Variants in DOC2B observed in about 807,000 individuals in gnomAD.
DOC2B encodes double C2-like domain-containing protein beta.
In DOC2B, 21 loss-of-function variants were observed where a neutral mutation model predicts 28.9. The ratio of observed to expected loss-of-function variants is 0.73; its 90% CI spans 0.52 to 1.05. The LOEUF (loss-of-function observed/expected upper bound fraction) is 1.05. DOC2B is among the 50% of genes least tolerant of loss of function. The pLI is 0.00. For synonymous variants in DOC2B, 194 were observed against 178.1 expected (o/e 1.09, Z -0.71); for missense variants, 384 against 421.1 (o/e 0.91, Z 0.77).
chr17:161,353 C>A (rs1398961122), intron 5 of DOC2B, 62 bp downstream of exon 5: 2 of 1,515,672 alleles, frequency 1.3e-6, no homozygotes, highest in East Asian at 4.9e-5. Flanking sequence ...GCAGGAAGTT[C>A]TGCCTTCCCA....
At chr17:157,576 C>T (rs556342702) in intron 5 of DOC2B, among the ~76,000 whole-genome samples, 2 of 152,334 alleles carry the variant, frequency 1.3e-5, no homozygotes, top group African/African-American at 4.8e-5. Context: ...ATTCTCCTGC[C>T]TCAGCCTTCT....
chr17:147,407 A>G lies in DOC2B; in HGVS notation c.*34T>C. 2 of 398,872 alleles carry G rather than the reference A, an allele frequency of 5.0e-6. No individual in the cohort carries two copies. The highest frequency in any genetic ancestry group is 4.4e-5 in the Admixed American group (1 of 22,732). The allele number at this position is 398,872 out of a possible 1,614,324, so 24.7% of individuals were successfully genotyped here. A position where few individuals can be genotyped will look rare whatever the true frequency, so the allele number is the denominator to read the frequency against. On this transcript the variant is annotated 3_prime_UTR_variant, in exon 9 of 9. Coordinates refer to ENST00000613549, the MANE Select transcript of DOC2B (RefSeq NM_003585.5). ...GCCCGGGGCCGGCCGTGCTGGGCGC[A>G]GGTGGCGGCAGGGGTAGCAGTGGCG...
At chr17:156,457 C>T (rs965063214) in intron 5 of DOC2B, 80 bp from the exon 6 acceptor site, 9 of 1,484,158 alleles carry the variant, frequency 6.1e-6, no homozygotes, top group African/African-American at 1.4e-5. Flanking sequence ...TTCCTGAGCC[C>T]GCCCATCCGG....
intron 7 of DOC2B, among the ~76,000 whole-genome samples, chr17:148,592 C>A (rs1423658455): frequency 6.6e-6 from 1 of 152,132 alleles, no homozygotes; most frequent in East Asian, 1.9e-4. Context: ...GCTGACCCCT[C>A]CCTTCTCTGT....
chr17:172,899 T>C (rs1415706023), intron 1 of DOC2B, among the ~76,000 whole-genome samples: 1 of 152,240 alleles, frequency 6.6e-6, no homozygotes, highest in African/African-American at 2.4e-5. Context: ...GTGGTCCACC[T>C]GAGCTGGGCA....
chr17:148,978 G>A (rs895650530), intron 7 of DOC2B, 133 bp downstream of exon 7: 82 of 396,146 alleles, frequency 2.1e-4, no homozygotes, highest in African/African-American at 1.5e-3. Context: ...TGTGTCTGTG[G>A]CTTGGTGCGG....
chr17:170,010 C>T (rs963105972), intron 2 of DOC2B, among the ~76,000 whole-genome samples: 3 of 152,192 alleles, frequency 2.0e-5, no homozygotes, highest in Admixed American at 1.3e-4. Flanking sequence ...ACAAACGCAC[C>T]TGGAGCTGGG....
rs1338044167 is a variant in DOC2B at position 145,445 on chromosome 17, C to T, written c.*1996G>A. 1.3e-5 allele frequency: 2 copies of T among 152,348 alleles called. No individual in the cohort carries two copies. The highest frequency in any genetic ancestry group is 6.5e-5 in the Admixed American group (1 of 15,290). The allele number at this position is 152,348 out of a possible 1,614,324, so 9.4% of individuals were successfully genotyped here. A position where few individuals can be genotyped will look rare whatever the true frequency, so the allele number is the denominator to read the frequency against. ...GCAAGATGGGGATGAGAATCAAACCCACCTTGCAGGGCTGTGAACATGCGT... is the reference window on the plus strand; with the variant it reads ...GCAAGATGGGGATGAGAATCAAACCTACCTTGCAGGGCTGTGAACATGCGT... On this transcript the variant is annotated 3_prime_UTR_variant, in exon 9 of 9. Transcript: ENST00000613549.
chr17:165,952 T>C (rs373411786), intron 2 of DOC2B, among the ~76,000 whole-genome samples: 157 of 152,332 alleles, frequency 1.0e-3, no homozygotes, highest in African/African-American at 3.6e-3. Flanking sequence ...TTACAAACCT[T>C]TGGGCCACCA....
At chr17:152,830 T>G (rs934402096) in intron 6 of DOC2B, among the ~76,000 whole-genome samples, 2 of 152,198 alleles carry the variant, frequency 1.3e-5, no homozygotes, top group Non-Finnish European at 2.9e-5. Context: ...CAAAAGGCCT[T>G]GACCCATCTA....
chr17:166,201 G>A (rs887584778), intron 2 of DOC2B, among the ~76,000 whole-genome samples: 1 of 152,238 alleles, frequency 6.6e-6, no homozygotes, highest in African/African-American at 2.4e-5. Flanking sequence ...AAAAGGACCA[G>A]CAGGCACTGC....
chr17:157,301 C>T (rs879624054), intron 5 of DOC2B, among the ~76,000 whole-genome samples: 2 of 152,194 alleles, frequency 1.3e-5, no homozygotes, highest in Non-Finnish European at 2.9e-5. Flanking sequence ...TGATAAATTC[C>T]TGGTCCTTCT....
intron 5 of DOC2B, among the ~76,000 whole-genome samples, chr17:159,055 A>AC (rs1332466617): frequency 3.3e-5 from 5 of 151,504 alleles, no homozygotes; most frequent in African/African-American, 4.9e-5. Context: ...AAAAAAAAAA[A>AC]AACAACCAAC....
intron 2 of DOC2B, among the ~76,000 whole-genome samples, chr17:168,793 C>T (rs2040278176): frequency 6.6e-6 from 1 of 152,262 alleles, no homozygotes; most frequent in African/African-American, 2.4e-5. Context: ...CTCTCATTCT[C>T]TCTCTTGCCA....
rs1025639823 is a variant in DOC2B, at chr17:161,458, T to G, written c.722A>C (p.Asn241Thr). ...TRVPLKKLKPNHTKTFSICLE... is the reference protein window; with the variant it reads ...TRVPLKKLKPTHTKTFSICLE... ...GCAGATGCTGAAGGTCTTGGTGTGG[T>G]TGGGTTTCAGCTTCTTCAGGGGCAC... Residue 241 changes from asparagine to threonine, a missense_variant, in exon 5 of 9, where the codon AAC becomes ACC. Transcript: ENST00000613549. 3.9e-6 allele frequency: 6 copies of G among 1,551,588 alleles called. No homozygotes were observed. The highest frequency in any genetic ancestry group is 5.2e-6 in the Non-Finnish European group (6 of 1,146,964).
intron 1 of DOC2B, among the ~76,000 whole-genome samples, chr17:179,129 C>G (rs148913019): frequency 2.0e-5 from 3 of 152,218 alleles, no homozygotes; most frequent in Admixed American, 6.5e-5. Context: ...CCTCTGAGCC[C>G]GTCTTCAGCA....
At chr17:155,342 G>A (rs572812146) in intron 6 of DOC2B, among the ~76,000 whole-genome samples, 1 of 152,244 alleles carries the variant, frequency 6.6e-6, no homozygotes, top group South Asian at 2.1e-4. Flanking sequence ...TGGGAATGGT[G>A]CCCCTAGAGC....
intron 7 of DOC2B, among the ~76,000 whole-genome samples, chr17:148,688 G>A (rs2040041376): frequency 6.6e-6 from 1 of 152,130 alleles, no homozygotes; most frequent in East Asian, 1.9e-4. Context: ...CTGGTGTGGT[G>A]TGGGCTCTAC....
intron 6 of DOC2B, among the ~76,000 whole-genome samples, chr17:155,119 G>C (rs2040119209): frequency 6.6e-6 from 1 of 152,036 alleles, no homozygotes; most frequent in Non-Finnish European, 1.5e-5. Context: ...ATCCTCTCAA[G>C]TAGTTAGGAC....
Sources: gnomAD v4.1 joint callset for allele counts (sites outside exome capture counted in the v4.1 genomes callset) on GRCh38, gnomAD v4.1.1 for gene constraint, MANE v1.5 for transcripts, NCBI Gene and HGNC (gene_info 2026-07-23, HGNC 2026-07-21) for gene names.